Variants in PRKD1 observed in about 807,000 individuals in gnomAD.
PRKD1 encodes serine/threonine-protein kinase D1.
In PRKD1, 63 loss-of-function variants were observed where a neutral mutation model predicts 95.9. The ratio of observed to expected loss-of-function variants is 0.66; its 90% CI spans 0.54 to 0.81. PRKD1 has a LOEUF of 0.81. Among genes scored for constraint, PRKD1 ranks in the 30% least tolerant of loss-of-function variants. The probability of loss-of-function intolerance (pLI) is 0.00; values close to 1 mark genes in which losing one functional copy is unlikely to be tolerated. For synonymous variants in PRKD1, 425 were observed against 423.1 expected, an observed-to-expected ratio of 1.00 and a Z score of -0.05; for missense variants, 1,048 against 1,165.3, an observed-to-expected ratio of 0.90 and a Z score of 1.47.
chr14:29,656,589 CA>C (rs1881854718), intron 4 of PRKD1: 2 of 1,369,074 alleles, frequency 1.5e-6, no homozygotes, highest in African/African-American at 2.9e-5. Flanking sequence ...TGGATGGAAG[CA>C]AAGCACATTA....
At chr14:29,749,832 T>A (rs951209718) in intron 1 of PRKD1, among the ~76,000 whole-genome samples, 8 of 152,194 alleles carry the variant, frequency 5.3e-5, no homozygotes, top group Admixed American at 5.2e-4. Flanking sequence ...TAATCATAAA[T>A]CCAATATTTA....
intron 1 of PRKD1, among the ~76,000 whole-genome samples, chr14:29,903,026 T>C (rs1894372599): frequency 1.3e-5 from 2 of 152,190 alleles, no homozygotes; most frequent in African/African-American, 4.8e-5. Flanking sequence ...GGGCCCCAAA[T>C]TTGGCTCTCA....
chr14:29,647,126 T>C (rs1217690984), intron 4 of PRKD1, among the ~76,000 whole-genome samples: 3 of 152,162 alleles, frequency 2.0e-5, no homozygotes, highest in African/African-American at 7.2e-5. Flanking sequence ...ACAGATACTG[T>C]GTTATACCAT....
chr14:29,700,036 A>G (rs1033700716), intron 2 of PRKD1, among the ~76,000 whole-genome samples: 1 of 151,954 alleles, frequency 6.6e-6, no homozygotes, highest in African/African-American at 2.4e-5. Flanking sequence ...CCCATTTCCC[A>G]CACTAGGTTC....
intron 16 of PRKD1, among the ~76,000 whole-genome samples, chr14:29,586,643 TTTTG>T (rs911587268): frequency 1.1e-4 from 16 of 152,218 alleles, no homozygotes; most frequent in African/African-American, 3.1e-4. Context: ...TCTCTCCTTT[TTTTG>T]TTTGTTTTTT....
chr14:29,828,454 C>T (rs1401359948), intron 1 of PRKD1, among the ~76,000 whole-genome samples: 1 of 152,106 alleles, frequency 6.6e-6, no homozygotes, highest in African/African-American at 2.4e-5. Flanking sequence ...ACACCTCCCA[C>T]TAGGCCCACC....
At chr14:29,904,862 C>A (rs1270125883) in intron 1 of PRKD1, among the ~76,000 whole-genome samples, 2 of 152,180 alleles carry the variant, frequency 1.3e-5, no homozygotes, top group East Asian at 3.9e-4. Context: ...TCCTAACACT[C>A]CTATTGTAAA....
chr14:29,912,840 T>G (rs7144211), intron 1 of PRKD1, among the ~76,000 whole-genome samples: 152,201 of 152,334 alleles, frequency 1, 76,036 homozygotes, highest in Middle Eastern at 1. Context: ...CCTTTGTCAT[T>G]ACTGTGAAGA....
intron 1 of PRKD1, among the ~76,000 whole-genome samples, chr14:29,774,667 T>A (rs977429681): frequency 6.6e-6 from 1 of 152,200 alleles, no homozygotes; most frequent in Admixed American, 6.5e-5. Flanking sequence ...ATCATTCAAC[T>A]AAATTCCCAC....
chr14:29,796,363 T>C (rs1171049066), intron 1 of PRKD1, among the ~76,000 whole-genome samples: 1 of 152,184 alleles, frequency 6.6e-6, no homozygotes, highest in East Asian at 1.9e-4. Flanking sequence ...TTATTGATTC[T>C]TTTTTGTTTC....
chr14:29,853,096 T>G (rs963960884), intron 1 of PRKD1, among the ~76,000 whole-genome samples: 1 of 152,126 alleles, frequency 6.6e-6, no homozygotes, highest in Non-Finnish European at 1.5e-5. Flanking sequence ...TATATTAATA[T>G]CAGACAAAAT....
At chr14:29,849,373 T>C (rs927068683) in intron 1 of PRKD1, among the ~76,000 whole-genome samples, 8 of 152,284 alleles carry the variant, frequency 5.3e-5, no homozygotes, top group Admixed American at 3.9e-4. Context: ...CCTCTTTTCT[T>C]TATAAGTTAC....
intron 1 of PRKD1, among the ~76,000 whole-genome samples, chr14:29,840,370 T>C (rs139534986): frequency 0.036 from 5,482 of 152,242 alleles, 353 homozygotes; most frequent in African/African-American, 0.12. Context: ...CTGGATTTCA[T>C]TGTCCATATC....
In PRKD1 at chr14:29,916,816, CT is replaced by C. The variant is rs560086867; in HGVS notation, c.264+10432del. ...GTATCAAGTCTCACCCTAATAATCTCTTTTTCCCGTGGCAAAGAAGTCACAC... is the reference window on the plus strand; with the variant it reads ...GTATCAAGTCTCACCCTAATAATCTCTTTTCCCGTGGCAAAGAAGTCACAC... On this transcript the variant is annotated intron_variant, in intron 1 of 17. Coordinates refer to ENST00000331968, the MANE Select transcript of PRKD1 (RefSeq NM_002742.3). Among the ~76,000 whole-genome samples, 382 of 152,284 alleles carry C rather than the reference CT, an allele frequency of 2.5e-3. 2 individuals are homozygous for C. The highest frequency in any genetic ancestry group is 9.0e-3 in the African/African-American group (374 of 41,546).
At chr14:29,750,978 G>A (rs756433608) in intron 1 of PRKD1, among the ~76,000 whole-genome samples, 4 of 152,108 alleles carry the variant, frequency 2.6e-5, no homozygotes, top group Non-Finnish European at 5.9e-5. Flanking sequence ...CTCTTTTGGG[G>A]ACTGGCATTT....
chr14:29,577,090 C>T lies in PRKD1; in HGVS notation c.*148G>A. 1 of 814,232 alleles carries T rather than the reference C, an allele frequency of 1.2e-6. No homozygotes were observed. Among genetic ancestry groups the T allele is most frequent in the Non-Finnish European group, 1.9e-6 (1 of 522,394 alleles). The allele number at this position is 814,232 out of a possible 1,614,324, so 50.4% of individuals were successfully genotyped here. On this transcript the variant is annotated 3_prime_UTR_variant, in exon 18 of 18. Coordinates refer to ENST00000331968, the MANE Select transcript of PRKD1 (RefSeq NM_002742.3). Reference sequence around the variant, plus strand: ...AAATGCTTCTGTTGATTTGTCTTGGCAACTCAGATACATCAACAGTGCTAA... The same window carrying T: ...AAATGCTTCTGTTGATTTGTCTTGGTAACTCAGATACATCAACAGTGCTAA...
At chr14:29,840,678 C>T (rs1438355655) in intron 1 of PRKD1, among the ~76,000 whole-genome samples, 1 of 152,204 alleles carries the variant, frequency 6.6e-6, no homozygotes, top group Non-Finnish European at 1.5e-5. Context: ...GTCTCACAAT[C>T]ATGGCAGAAG....
At chr14:29,600,319 A>G (rs945308672) in intron 13 of PRKD1, among the ~76,000 whole-genome samples, 5 of 151,958 alleles carry the variant, frequency 3.3e-5, no homozygotes, top group African/African-American at 4.8e-5. Flanking sequence ...TTTGACAGAA[A>G]CTCTTATACT....
At chr14:29,841,362 A>G (rs1309351349) in intron 1 of PRKD1, among the ~76,000 whole-genome samples, 1 of 152,144 alleles carries the variant, frequency 6.6e-6, no homozygotes, top group Non-Finnish European at 1.5e-5. Context: ...GCAGAATTAT[A>G]TGGTTTGGTT....
Sources: allele counts gnomAD v4.1 joint callset (sites outside exome capture counted in the v4.1 genomes callset), GRCh38; gene constraint gnomAD v4.1.1; transcripts MANE v1.5; gene names NCBI Gene and HGNC (gene_info 2026-07-23, HGNC 2026-07-21).